CBLN2: variants seen among roughly 807,000 people sequenced by gnomAD.
CBLN2 encodes the protein cerebellin-2.
CBLN2 carries 7 observed loss-of-function variants against 15.0 expected under a neutral mutation model. That is an observed-to-expected ratio of 0.47 (90% CI 0.27 to 0.88). The LOEUF is 0.88. Ranked by LOEUF, CBLN2 falls within the 40% of genes least tolerant of loss-of-function variation. The probability of loss-of-function intolerance (pLI) is 0.14; values close to 1 mark genes in which losing one functional copy is unlikely to be tolerated. For missense variants in CBLN2, 242 were observed against 304.5 expected, an observed-to-expected ratio of 0.79 and a Z score of 1.53; for synonymous variants, 149 against 135.2, an observed-to-expected ratio of 1.10 and a Z score of -0.71.
At chr18:72,564,353 A>G (rs1023276808) in intron 1 of CBLN2, among the ~76,000 whole-genome samples, 1 of 152,170 alleles carries the variant, frequency 6.6e-6, no homozygotes, top group African/African-American at 2.4e-5. Context: ...AAGGGATATC[A>G]TAAAAAGGAA....
intron 1 of CBLN2, among the ~76,000 whole-genome samples, chr18:72,610,376 A>G (rs377073743): frequency 6.6e-6 from 1 of 152,232 alleles, no homozygotes; most frequent in African/African-American, 2.4e-5. Flanking sequence ...TTCCCTTCTT[A>G]TAAACTTTCC....
chr18:72,601,193 T>G (rs2069545744), intron 1 of CBLN2, among the ~76,000 whole-genome samples: 1 of 152,140 alleles, frequency 6.6e-6, no homozygotes, highest in South Asian at 2.1e-4. Flanking sequence ...GCTTTAAGGT[T>G]GAAGTACAAA....
intron 1 of CBLN2, among the ~76,000 whole-genome samples, chr18:72,561,853 T>C (rs2069263870): frequency 6.6e-6 from 1 of 152,206 alleles, no homozygotes; most frequent in Non-Finnish European, 1.5e-5. Flanking sequence ...CTCAGAGTGC[T>C]CTGGAGGCTC....
chr18:72,590,007 C>T lies in CBLN2; in HGVS notation c.15+48318G>A, dbSNP rs1001650423. On this transcript the variant is annotated intron_variant, in intron 1 of 2. Transcript: ENST00000581073. ...AATTAGTCAGGCACGGTGGCTCTCGCCTGTAATCCCAGCACTTTGGGAGGC... is the reference window on the plus strand; with the variant it reads ...AATTAGTCAGGCACGGTGGCTCTCGTCTGTAATCCCAGCACTTTGGGAGGC... Among the ~76,000 whole-genome samples, 28 of 152,262 alleles carry T rather than the reference C, an allele frequency of 1.8e-4. 1 individual carries two copies. Among genetic ancestry groups the T allele is most frequent in the African/African-American group, 6.7e-4 (28 of 41,554 alleles).
chr18:72,557,343 T>C (rs1568254572), intron 1 of CBLN2, among the ~76,000 whole-genome samples: 1 of 152,204 alleles, frequency 6.6e-6, no homozygotes, highest in Non-Finnish European at 1.5e-5. Flanking sequence ...GCAATGAACA[T>C]ACATGTGCAT....
chr18:72,569,054 T>C (rs1262198314), intron 1 of CBLN2, among the ~76,000 whole-genome samples: 1 of 152,220 alleles, frequency 6.6e-6, no homozygotes, highest in East Asian at 1.9e-4. Context: ...CAGACATTCA[T>C]GTTGAAACTT....
chr18:72,574,825 C>T (rs922513665), intron 1 of CBLN2, among the ~76,000 whole-genome samples: 1 of 152,160 alleles, frequency 6.6e-6, no homozygotes, highest in Non-Finnish European at 1.5e-5. Flanking sequence ...TACCATGAAT[C>T]GCTAACGACA....
At chr18:72,568,590 CTA>C (rs2069311559) in intron 1 of CBLN2, among the ~76,000 whole-genome samples, 1 of 151,476 alleles carries the variant, frequency 6.6e-6, no homozygotes, top group South Asian at 2.1e-4. Flanking sequence ...TAAAAATAAA[CTA>C]AAAAAATAAA....
intron 1 of CBLN2, among the ~76,000 whole-genome samples, chr18:72,633,521 G>A (rs576853092): frequency 1.3e-5 from 2 of 152,262 alleles, no homozygotes; most frequent in East Asian, 3.9e-4. Context: ...TGGAGCAGCA[G>A]GAGAACTCAT....
chr18:72,616,682 T>C (rs1026376840), intron 1 of CBLN2, among the ~76,000 whole-genome samples: 1 of 152,190 alleles, frequency 6.6e-6, no homozygotes, highest in South Asian at 2.1e-4. Flanking sequence ...TTCTCTGTGG[T>C]GTAAAAAATG....
rs528786544 is a variant in CBLN2, at chr18:72,624,493, A to G, written c.15+13832T>C. Among the ~76,000 whole-genome samples, 20 of 152,234 alleles carry G rather than the reference A, an allele frequency of 1.3e-4. No homozygotes were observed. The South Asian group carries it at 3.7e-3, about 28-fold the overall frequency. On this transcript the variant is annotated intron_variant, in intron 1 of 2. Coordinates refer to the CBLN2 transcript ENST00000581073. ...CATCTCTACTAAAAATACAAAAATT[A>G]TCTAGGGGTGGTGGCACATGCCCAT...
At chr18:72,549,059 C>T (rs539420613), upstream of CBLN2, among the ~76,000 whole-genome samples, 2 of 151,806 alleles carry the variant, frequency 1.3e-5, no homozygotes, top group South Asian at 2.1e-4. Flanking sequence ...TCACCCAGAC[C>T]GGAGGGCAAT....
At chr18:72,613,702 A>T (rs2069638911) in intron 1 of CBLN2, among the ~76,000 whole-genome samples, 1 of 152,170 alleles carries the variant, frequency 6.6e-6, no homozygotes, top group Admixed American at 6.5e-5. Context: ...AATGCAGAAA[A>T]TCACCTATTT....
chr18:72,601,929 C>T (rs1428419959), intron 1 of CBLN2, among the ~76,000 whole-genome samples: 1 of 152,210 alleles, frequency 6.6e-6, no homozygotes, highest in Non-Finnish European at 1.5e-5. Context: ...CTTCCTCCAT[C>T]ACACTCTGCT....
At chr18:72,554,207 G>A (rs920529388) in intron 1 of CBLN2, among the ~76,000 whole-genome samples, 4 of 151,480 alleles carry the variant, frequency 2.6e-5, no homozygotes, top group Non-Finnish European at 5.9e-5. Context: ...GTTTGACTCT[G>A]ATTAAAGCAG....
intron 1 of CBLN2, among the ~76,000 whole-genome samples, chr18:72,634,756 G>A (rs2069800964): frequency 6.6e-6 from 1 of 152,124 alleles, no homozygotes; most frequent in South Asian, 2.1e-4. Context: ...AAATTTTACA[G>A]CTTATTCATA....
At position 72,591,300 on chromosome 18, in the gene CBLN2, T is replaced by G. The variant is rs541077898; in HGVS notation, c.15+47025A>C. ...AAAGAATAAAGGGTAAAAAGGAAAT[T>G]CCTAACAAATCTATCAGAATCTTTA... is the stretch of plus-strand genomic sequence containing the variant. On this transcript the variant is annotated intron_variant, in intron 1 of 2. Coordinates refer to the CBLN2 transcript ENST00000581073. Among the ~76,000 whole-genome samples, 9 of 152,294 alleles carry G rather than the reference T, an allele frequency of 5.9e-5. No homozygotes were observed. The East Asian group carries it at 1.2e-3, about 20-fold the overall frequency.
At position 72,638,324 on chromosome 18, in the gene CBLN2, C is replaced by T; in HGVS notation, c.15+1G>A. ...GTCTAGCCTAAAGTTTTAACACGTA[C>T]CTTGTCCCAATCCATTCCAGTACTC... On this transcript the variant is annotated splice_donor_variant, in intron 1 of 2. Transcript: ENST00000581073. LOFTEE classifies it high-confidence loss of function. The T allele has an allele frequency of 2.5e-6, 1 of 398,578 alleles. No individual in the cohort carries two copies. Among genetic ancestry groups the T allele is most frequent in the Non-Finnish European group, 4.4e-6 (1 of 226,054 alleles). 24.7% of individuals were successfully genotyped at this position (398,578 alleles called of 1,614,324 possible). A position where few individuals can be genotyped will look rare whatever the true frequency, so the allele number is the denominator to read the frequency against.
chr18:72,585,052 C>T (rs907766703), intron 1 of CBLN2, among the ~76,000 whole-genome samples: 10 of 152,326 alleles, frequency 6.6e-5, no homozygotes, highest in Non-Finnish European at 1.0e-4. Flanking sequence ...CAAGCAGCTT[C>T]CACTGCAGGT....
Sources: gnomAD v4.1 joint callset for allele counts (sites outside exome capture counted in the v4.1 genomes callset) on GRCh38, gnomAD v4.1.1 for gene constraint, MANE v1.5 for transcripts, NCBI Gene and HGNC (gene_info 2026-07-23, HGNC 2026-07-21) for gene names.